The following ZNF658 variants were observed in gnomAD, a reference collection of about 807,000 sequenced individuals.
ZNF658 encodes the protein zinc finger protein 658.
Under a neutral mutation model 78.0 loss-of-function variants are expected in ZNF658, and 46 were observed. That is an observed-to-expected ratio of 0.59 (90% CI 0.47 to 0.75). The LOEUF (loss-of-function observed/expected upper bound fraction) is 0.75. ZNF658 is among the 30% of genes least tolerant of loss of function. The pLI is 0.00. For synonymous variants in ZNF658, 279 were observed against 408.4 expected (o/e 0.68, Z 3.82); for missense variants, 785 against 1,189.3 (o/e 0.66, Z 5.00).
intron 1 of ZNF658, among the ~76,000 whole-genome samples, chr9:66,902,353 G>C (rs1479136156): frequency 5.5e-5 from 7 of 126,200 alleles, no homozygotes; most frequent in African/African-American, 2.2e-4. Context: ...GGTCCTGATT[G>C]CTTCCCCAGA....
chr9:66,924,223 GC>G (rs909252951), downstream of ZNF658: 1 of 406,964 alleles, frequency 2.5e-6, no homozygotes, highest in African/African-American at 2.3e-5. Flanking sequence ...TTCTTTTAGG[GC>G]TTGCTGTCTG....
chr9:66,922,766 A>G (rs1388862916), downstream of ZNF658, among the ~76,000 whole-genome samples: 1 of 134,398 alleles, frequency 7.4e-6, no homozygotes, highest in African/African-American at 2.8e-5. Flanking sequence ...AATACCAGAG[A>G]CAAGTCTCAA....
chr9:66,907,967 A>G, intron 2 of ZNF658, among the ~76,000 whole-genome samples: 1 of 151,072 alleles, frequency 6.6e-6, no homozygotes, highest in Non-Finnish European at 1.5e-5. Flanking sequence ...ATTTGCGGAG[A>G]TGTGGAAGAA....
At chr9:66,914,289 T>C (rs1822282445) in intron 4 of ZNF658, among the ~76,000 whole-genome samples, 2 of 151,400 alleles carry the variant, frequency 1.3e-5, no homozygotes, top group African/African-American at 4.9e-5. Context: ...TAATATTGTT[T>C]CTGTGATTTA....
chr9:66,921,051 G>T lies in ZNF658; in HGVS notation c.*305G>T. ...TGTGTTCAAAACCATAGAGCACAAGGTCAAGGAAGCTAGAGTCTGAAAAAC... is the reference window on the plus strand; with the variant it reads ...TGTGTTCAAAACCATAGAGCACAAGTTCAAGGAAGCTAGAGTCTGAAAAAC... On this transcript the variant is annotated 3_prime_UTR_variant, in exon 5 of 5. Coordinates refer to ENST00000621410, the MANE Select transcript of ZNF658 (RefSeq NM_033160.7). 1 of 377,402 alleles carries T rather than the reference G, an allele frequency of 2.6e-6. No homozygotes were observed. Among genetic ancestry groups the T allele is most frequent in the Non-Finnish European group, 4.8e-6 (1 of 206,872 alleles). 23.4% of individuals were successfully genotyped at this position (377,402 alleles called of 1,614,324 possible). A position where few individuals can be genotyped will look rare whatever the true frequency, so the allele number is the denominator to read the frequency against.
At chr9:66,908,823 T>C (rs1822145701) in intron 4 of ZNF658, 89 bp downstream of exon 4, 1 of 760,190 alleles carries the variant, frequency 1.3e-6, no homozygotes, top group Non-Finnish European at 2.2e-6. Flanking sequence ...AACAGCTTTA[T>C]TGAGATATAA....
chr9:66,918,537 C>T lies in ZNF658; in HGVS notation c.971C>T (p.Ala324Val). The T allele has an allele frequency of 6.2e-7, 1 of 1,606,940 alleles. No homozygotes were observed. The highest frequency in any genetic ancestry group is 1.1e-5 in the South Asian group (1 of 90,672). ...QSQRTITGWSAFESNKCEENF... is the reference protein window; with the variant it reads ...QSQRTITGWSVFESNKCEENF... ...CAGAGAACTATTACAGGATGGAGTG[C>T]TTTTGAAAGCAATAAATGTGAAGAA... is the stretch of plus-strand genomic sequence containing the variant. Residue 324 changes from alanine (A) to valine (V), a missense_variant, in exon 5 of 5, where the codon GCT (alanine) becomes GTT (valine). By Grantham distance (64) the Ala-to-Val change is moderately conservative. Around this residue, in one of 12 missense-constraint regions of ZNF658, gnomAD observed 393 missense variants for 400.2 expected, o/e 0.98. Coordinates refer to ENST00000621410, the MANE Select transcript of ZNF658 (RefSeq NM_033160.7).
intron 4 of ZNF658, among the ~76,000 whole-genome samples, chr9:66,913,148 G>A (rs946927955): frequency 6.6e-6 from 1 of 150,978 alleles, no homozygotes; most frequent in Non-Finnish European, 1.5e-5. Context: ...GCCTCAGCTA[G>A]GCACGGTGGC....
chr9:66,908,761 C>T, intron 4 of ZNF658, 27 bp downstream of exon 4: 1 of 1,606,264 alleles, frequency 6.2e-7, no homozygotes, highest in East Asian at 2.2e-5. Context: ...AGAAGGAGCC[C>T]CCTGGGGGTA....
At chr9:66,903,777 C>T (rs62561242) in intron 2 of ZNF658, among the ~76,000 whole-genome samples, 33,064 of 150,810 alleles carry the variant, frequency 0.22, 3,776 homozygotes, top group Middle Eastern at 0.41. Context: ...CCAAATTAAG[C>T]TTCAGATTTA....
intron 6 of ZNF658, among the ~76,000 whole-genome samples, chr9:66,928,622 G>A (rs1482515708): frequency 1.9e-4 from 29 of 151,584 alleles, no homozygotes; most frequent in Non-Finnish European, 3.5e-4. Flanking sequence ...GGAGGCCAAC[G>A]CGGACAGATC....
chr9:66,928,865 A>G (rs1185637783), intron 6 of ZNF658, among the ~76,000 whole-genome samples: 1 of 148,670 alleles, frequency 6.7e-6, no homozygotes, highest in African/African-American at 2.5e-5. Context: ...GGTGACAGAT[A>G]TTAATTCTTG....
intron 6 of ZNF658, chr9:66,931,984 C>G (rs1449021295): frequency 1.3e-5 from 2 of 148,564 alleles, no homozygotes; most frequent in Non-Finnish European, 3.0e-5. Context: ...AATGGTCTCA[C>G]CTGTCCCCGA....
intron 4 of ZNF658, among the ~76,000 whole-genome samples, chr9:66,914,829 T>C (rs752389586): frequency 9.2e-5 from 14 of 152,132 alleles, no homozygotes; most frequent in Non-Finnish European, 1.6e-4. Context: ...GGGACATTTT[T>C]GCATTTATGT....
intron 1 of ZNF658, chr9:66,903,220 C>T (rs550331370): frequency 2.8e-5 from 8 of 285,712 alleles, no homozygotes; most frequent in East Asian, 1.1e-4. Flanking sequence ...TAAGTTTAAG[C>T]GCACATAATC....
chr9:66,931,311 T>C (rs1159655858), intron 6 of ZNF658, among the ~76,000 whole-genome samples: 4 of 150,722 alleles, frequency 2.7e-5, no homozygotes, highest in Non-Finnish European at 5.9e-5. Flanking sequence ...TGTGTGTGTC[T>C]GTGTGTATAC....
In ZNF658 at chr9:66,903,581, G is replaced by T; in HGVS notation, c.15+5G>T. 6.2e-7 allele frequency: 1 copy of T among 1,612,054 alleles called. No homozygotes were observed. The highest frequency in any genetic ancestry group is 2.2e-5 in the East Asian group (1 of 44,896). ...CAGAAAATGAACATGTCTCAGGTGAGTTAGGTTTTTAAAAACCGGTTTATT... is the reference window on the plus strand; with the variant it reads ...CAGAAAATGAACATGTCTCAGGTGATTTAGGTTTTTAAAAACCGGTTTATT... On this transcript the variant is annotated splice_donor_5th_base_variant and intron_variant, in intron 2 of 4. Coordinates refer to ENST00000621410, the MANE Select transcript of ZNF658 (RefSeq NM_033160.7).
At chr9:66,929,597 A>C (rs1333366140) in intron 6 of ZNF658, among the ~76,000 whole-genome samples, 1 of 151,622 alleles carries the variant, frequency 6.6e-6, no homozygotes, top group Non-Finnish European at 1.5e-5. Flanking sequence ...GATTTGAGTC[A>C]ATTTTTCCCC....
rs571248242 is a variant in ZNF658, at chr9:66,901,361, G to T, written c.-45+525G>T. ...GCTGAGAGATGTGACTCCCTGTCCTGCTCGTTCTAACATGCTGTCTGCCTG... is the reference window on the plus strand; with the variant it reads ...GCTGAGAGATGTGACTCCCTGTCCTTCTCGTTCTAACATGCTGTCTGCCTG... On this transcript the variant is annotated intron_variant, in intron 1 of 4. Coordinates refer to ENST00000621410, the MANE Select transcript of ZNF658 (RefSeq NM_033160.7). 3.9e-5 allele frequency among the ~76,000 whole-genome samples: 6 copies of T among 152,186 alleles called. No individual in the cohort carries two copies. The South Asian group carries it at 1.0e-3, about 26-fold the overall frequency.
Sources: allele counts gnomAD v4.1 joint callset (sites outside exome capture counted in the v4.1 genomes callset), GRCh38; gene constraint gnomAD v4.1.1; regional missense constraint gnomAD v4.1.1; transcripts MANE v1.5; gene names NCBI Gene and HGNC (gene_info 2026-07-23, HGNC 2026-07-21).